ZFYVE16: variants seen among roughly 807,000 people sequenced by gnomAD.
The protein encoded by ZFYVE16 is zinc finger FYVE domain-containing protein 16.
ZFYVE16 carries 89 observed loss-of-function variants against 138.1 expected under a neutral mutation model. That is an observed-to-expected ratio of 0.64 (90% confidence interval 0.54 to 0.77). The LOEUF is 0.77. Ranked by LOEUF, ZFYVE16 falls within the 30% of genes least tolerant of loss-of-function variation. ZFYVE16 has a pLI of 0.00. For synonymous variants in ZFYVE16, 596 were observed against 618.3 expected, an observed-to-expected ratio of 0.96 and a Z score of 0.53; for missense variants, 1,793 against 1,786.7, an observed-to-expected ratio of 1.00 and a Z score of -0.06.
At chr5:80,436,657 A>T (rs1250827856) in intron 3 of ZFYVE16, 99 bp from the exon 4 acceptor site, 8 of 1,093,136 alleles carry the variant, frequency 7.3e-6, no homozygotes, top group South Asian at 1.9e-5. Flanking sequence ...ATGTTCTTTT[A>T]AAAAAGTGTA....
intron 8 of ZFYVE16, 127 bp from the exon 9 acceptor site, chr5:80,449,464 G>A: frequency 2.1e-6 from 2 of 966,824 alleles, no homozygotes; most frequent in Non-Finnish European, 3.0e-6. Flanking sequence ...TTGATTTTAT[G>A]AAACATGTTT....
At chr5:80,413,471 CAAA>C (rs70988468) in intron 1 of ZFYVE16, among the ~76,000 whole-genome samples, 1 of 124,524 alleles carries the variant, frequency 8.0e-6, no homozygotes, top group Non-Finnish European at 1.6e-5. Context: ...AACTTCATCT[CAAA>C]AAAAAAAAAA....
chr5:80,470,179 G>A (rs1754225543), intron 15 of ZFYVE16, among the ~76,000 whole-genome samples: 1 of 145,268 alleles, frequency 6.9e-6, no homozygotes, highest in Non-Finnish European at 1.5e-5. Flanking sequence ...TCGGCTCACT[G>A]GAAGCTCCAC....
At chr5:80,467,496 A>G (rs1305100620) in intron 15 of ZFYVE16, among the ~76,000 whole-genome samples, 1 of 152,220 alleles carries the variant, frequency 6.6e-6, no homozygotes, top group Non-Finnish European at 1.5e-5. Context: ...ATTTAAGGAT[A>G]TCTCAGTTCA....
At chr5:80,473,031 A>G (rs1754542202) in intron 16 of ZFYVE16, 108 bp downstream of exon 16, 1 of 988,412 alleles carries the variant, frequency 1.0e-6, no homozygotes, top group Non-Finnish European at 1.4e-6. Flanking sequence ...TACTTATACC[A>G]TCAATTTAAA....
chr5:80,453,507 C>T (rs1258136205), intron 11 of ZFYVE16, among the ~76,000 whole-genome samples: 2 of 152,086 alleles, frequency 1.3e-5, no homozygotes, highest in African/African-American at 2.4e-5. Flanking sequence ...TGGAGCAATA[C>T]GAAGGGCTTA....
rs190897350 is a variant in ZFYVE16, at chr5:80,442,457, T to C, written c.2420-666T>C. Among the ~76,000 whole-genome samples the C allele has an allele frequency of 1.2e-3, 182 of 152,280 alleles. 1 individual carries two copies. Among genetic ancestry groups the C allele is most frequent in the Non-Finnish European group, 2.0e-3 (136 of 68,024 alleles). On this transcript the variant is annotated intron_variant, in intron 5 of 18. Transcript: ENST00000505560. ...ATCAGAGTAAGGCTTTATGGTAATA[T>C]GACATGTGAGCAGAGTCTTGAAGGA...
chr5:80,431,011 A>G (rs1236151207), intron 2 of ZFYVE16, among the ~76,000 whole-genome samples: 1 of 152,266 alleles, frequency 6.6e-6, no homozygotes. Flanking sequence ...CCAGAGGTAC[A>G]AGGAGGAGCT....
intron 15 of ZFYVE16, among the ~76,000 whole-genome samples, chr5:80,467,187 C>T (rs1445459793): frequency 6.6e-6 from 1 of 152,200 alleles, no homozygotes; most frequent in Non-Finnish European, 1.5e-5. Context: ...TAACCAGCCT[C>T]TAGCTATGGA....
intron 7 of ZFYVE16, among the ~76,000 whole-genome samples, chr5:80,447,266 CAAAAAAAA>C (rs56836828): frequency 1.4e-5 from 1 of 69,288 alleles, no homozygotes; most frequent in African/African-American, 4.9e-5. Flanking sequence ...GACTCCATCT[CAAAAAAAA>C]AAAAAAAAAA....
At chr5:80,458,278 A>C (rs1055159084) in intron 14 of ZFYVE16, among the ~76,000 whole-genome samples, 6 of 152,078 alleles carry the variant, frequency 3.9e-5, no homozygotes, top group Non-Finnish European at 7.4e-5. Flanking sequence ...AAAATTAAAA[A>C]GTTATTAATA....
chr5:80,481,525 A>G lies in ZFYVE16; in HGVS notation c.*4148A>G, dbSNP rs1261976271. Among the ~76,000 whole-genome samples the G allele has an allele frequency of 6.6e-6, 1 of 152,204 alleles. No homozygotes were observed. The highest frequency in any genetic ancestry group is 6.5e-5 in the Admixed American group (1 of 15,270). On this transcript the variant is annotated 3_prime_UTR_variant, in exon 19 of 19. Transcript: ENST00000505560. ...GGGCAAAGAACAGCTTAACAAAGGC[A>G]GTGAAAACTAACATTGGAACCACAG...
At chr5:80,446,649 T>A (rs944558523) in intron 7 of ZFYVE16, among the ~76,000 whole-genome samples, 7 of 152,150 alleles carry the variant, frequency 4.6e-5, no homozygotes, top group African/African-American at 9.6e-5. Flanking sequence ...GAACCACATT[T>A]TGAGAACCAG....
At chr5:80,474,624 T>G (rs1258035832) in intron 17 of ZFYVE16, 39 bp from the exon 18 acceptor site, 2 of 1,562,344 alleles carry the variant, frequency 1.3e-6, no homozygotes, top group African/African-American at 2.7e-5. Context: ...TTAAAGTTAC[T>G]TTTAATCATG....
intron 7 of ZFYVE16, among the ~76,000 whole-genome samples, chr5:80,446,039 G>A (rs1751312153): frequency 6.6e-6 from 1 of 151,652 alleles, no homozygotes; most frequent in Admixed American, 6.6e-5. Context: ...GGGATTACAG[G>A]CATCCACCAC....
chr5:80,432,490 A>G (rs1375146649), intron 2 of ZFYVE16, among the ~76,000 whole-genome samples: 1 of 152,208 alleles, frequency 6.6e-6, no homozygotes, highest in African/African-American at 2.4e-5. Flanking sequence ...ACCCTAGAAG[A>G]AAACCTAGGC....
At chr5:80,467,270 GGT>G (rs1319358557) in intron 15 of ZFYVE16, among the ~76,000 whole-genome samples, 1 of 152,166 alleles carries the variant, frequency 6.6e-6, no homozygotes, top group African/African-American at 2.4e-5. Context: ...GTCGGTAAGG[GGT>G]CACATGCAAG....
At chr5:80,454,313 G>A (rs1752281882) in intron 11 of ZFYVE16, 1 of 152,156 alleles carries the variant, frequency 6.6e-6, no homozygotes. Flanking sequence ...GGTTACAAAT[G>A]TGTCTGTGTC....
At chr5:80,454,213 T>C (rs1204185557) in intron 11 of ZFYVE16, 1 of 152,202 alleles carries the variant, frequency 6.6e-6, no homozygotes, top group Non-Finnish European at 1.5e-5. Context: ...ATGTTGGGTA[T>C]GTGGTGTTTC....
Sources: gnomAD v4.1 joint callset for allele counts (sites outside exome capture counted in the v4.1 genomes callset) on GRCh38, gnomAD v4.1.1 for gene constraint, MANE v1.5 for transcripts, NCBI Gene and HGNC (gene_info 2026-07-23, HGNC 2026-07-21) for gene names.